CERKL: variants seen among roughly 807,000 people sequenced by gnomAD.
CERKL encodes the protein ceramide kinase-like protein.
Under a neutral mutation model 63.4 loss-of-function variants are expected in CERKL, and 61 were observed. That is an observed-to-expected ratio of 0.96 (90% CI 0.78 to 1.19). CERKL has a LOEUF of 1.19. CERKL is among the 50% of genes most tolerant of loss of function. The pLI is 0.00. For synonymous variants in CERKL, 250 were observed against 230.5 expected (o/e 1.08, Z -0.77); for missense variants, 675 against 655.5 (o/e 1.03, Z -0.33).
chr2:181,625,914 T>C (rs1487663795), intron 1 of CERKL, among the ~76,000 whole-genome samples: 1 of 152,226 alleles, frequency 6.6e-6, no homozygotes, highest in East Asian at 1.9e-4. Context: ...TAAAACGCTA[T>C]ATTGTTTAAT....
At chr2:181,639,877 CA>C (rs2105506802) in intron 1 of CERKL, among the ~76,000 whole-genome samples, 1 of 152,266 alleles carries the variant, frequency 6.6e-6, no homozygotes, top group Non-Finnish European at 1.5e-5. Context: ...GCAGAGTAAA[CA>C]AATCTAAGTG....
rs1687181320 is a variant in CERKL at position 181,537,277 on chromosome 2, CAG to C, written c.*905_*906del. 1 of 453,408 alleles carries C rather than the reference CAG, an allele frequency of 2.2e-6. No individual in the cohort carries two copies. The allele number at this position is 453,408 out of a possible 1,614,324, so 28.1% of individuals were successfully genotyped here. On this transcript the variant is annotated 3_prime_UTR_variant, in exon 13 of 13. Transcript: ENST00000410087. ...TGGTTCTTTCCTACTCAGAACTACT[CAG>C]AAACAACTATATATTTCAGGTTATC...
intron 3 of CERKL, among the ~76,000 whole-genome samples, chr2:181,570,125 C>A (rs1447375852): frequency 1.3e-5 from 2 of 152,162 alleles, no homozygotes; most frequent in Non-Finnish European, 2.9e-5. Context: ...GAAAGGGCAC[C>A]TTTTTGTAAG....
chr2:181,548,158 A>G, intron 8 of CERKL: 1 of 539,572 alleles, frequency 1.9e-6, no homozygotes, highest in South Asian at 2.4e-5. Context: ...CGAGGGACAA[A>G]ACTGTGTGTT....
chr2:181,578,287 GAA>G (rs1684345959), intron 2 of CERKL, among the ~76,000 whole-genome samples: 2 of 151,896 alleles, frequency 1.3e-5, no homozygotes, highest in Admixed American at 6.6e-5. Flanking sequence ...TGTAGACAGA[GAA>G]AGAGAGAGAG....
intron 2 of CERKL, among the ~76,000 whole-genome samples, chr2:181,599,353 T>C (rs1685361420): frequency 6.6e-6 from 1 of 151,900 alleles, no homozygotes; most frequent in South Asian, 2.1e-4. Context: ...TCAGCCAACA[T>C]GGCAAAACCT....
chr2:181,642,635 C>G (rs1048109747), intron 1 of CERKL, among the ~76,000 whole-genome samples: 1 of 151,866 alleles, frequency 6.6e-6, no homozygotes, highest in Non-Finnish European at 1.5e-5. Flanking sequence ...GGCAGGAATA[C>G]TCTTTTGAAA....
intron 2 of CERKL, among the ~76,000 whole-genome samples, chr2:181,594,619 C>T (rs1319486397): frequency 6.6e-6 from 1 of 152,176 alleles, no homozygotes; most frequent in East Asian, 1.9e-4. Flanking sequence ...GCTCCTTCCA[C>T]TGAAAAAATA....
chr2:181,593,825 A>G (rs1430031261), intron 2 of CERKL, among the ~76,000 whole-genome samples: 2 of 151,440 alleles, frequency 1.3e-5, no homozygotes, highest in Admixed American at 6.6e-5. Flanking sequence ...TCCCAAATAC[A>G]CAGCATAGTC....
At chr2:181,584,868 C>T (rs1445820867) in intron 2 of CERKL, among the ~76,000 whole-genome samples, 1 of 151,220 alleles carries the variant, frequency 6.6e-6, no homozygotes, top group Non-Finnish European at 1.5e-5. Flanking sequence ...AAAACTCATA[C>T]AAAGCTTGTA....
Position 181,544,763 on chromosome 2 carries a change from G to A in CERKL, c.1302C>T (p.Ala434=). ...TAAATTCTGGCCGAGAAGTGTTTCGGGCAATTATAAGAGCCATACTTCCAT... is the reference window on the plus strand; with the variant it reads ...TAAATTCTGGCCGAGAAGTGTTTCGAGCAATTATAAGAGCCATACTTCCAT... ...LNNGSMALII[A]RNTSRPEFIK... is the part of the protein sequence containing the mutation. Residue 434 remains alanine, a synonymous_variant, in exon 11 of 13, where the codon GCC becomes GCT. Transcript: ENST00000410087. 1 of 1,607,680 alleles carries A rather than the reference G, an allele frequency of 6.2e-7. No homozygotes were observed. Among genetic ancestry groups the A allele is most frequent in the Admixed American group, 1.7e-5 (1 of 59,684 alleles).
At chr2:181,629,858 C>T (rs556445406) in intron 1 of CERKL, among the ~76,000 whole-genome samples, 2 of 151,774 alleles carry the variant, frequency 1.3e-5, no homozygotes, top group African/African-American at 4.8e-5. Context: ...AAAAAATTAC[C>T]CATCTTTCCA....
intron 1 of CERKL, chr2:181,649,837 C>T (rs1418670011): frequency 6.6e-6 from 1 of 152,216 alleles, no homozygotes; most frequent in African/African-American, 2.4e-5. Context: ...TGAGAACAGC[C>T]TGGGCAACAT....
At chr2:181,575,731 C>T (rs1689107342) in intron 2 of CERKL, among the ~76,000 whole-genome samples, 1 of 152,124 alleles carries the variant, frequency 6.6e-6, no homozygotes, top group Non-Finnish European at 1.5e-5. Flanking sequence ...TTTTTATGTT[C>T]CATTTCAACT....
At chr2:181,593,806 T>C (rs1685082612) in intron 2 of CERKL, among the ~76,000 whole-genome samples, 1 of 150,144 alleles carries the variant, frequency 6.7e-6, no homozygotes. Context: ...TTGACAATAA[T>C]ATACTTAGTC....
chr2:181,625,357 G>A (rs142668696), intron 1 of CERKL, among the ~76,000 whole-genome samples: 1 of 150,922 alleles, frequency 6.6e-6, no homozygotes, highest in Non-Finnish European at 1.5e-5. Flanking sequence ...AAGTTGGGGG[G>A]TGGGGTGAGC....
chr2:181,620,863 T>C (rs560767942), intron 1 of CERKL, among the ~76,000 whole-genome samples: 87 of 152,308 alleles, frequency 5.7e-4, no homozygotes, highest in African/African-American at 2.0e-3. Context: ...TAATTCAAGA[T>C]GTTCTAAAAA....
intron 10 of CERKL, among the ~76,000 whole-genome samples, chr2:181,546,997 C>T (rs1029155873): frequency 9.9e-5 from 15 of 152,082 alleles, no homozygotes; most frequent in African/African-American, 3.6e-4. Flanking sequence ...GTGCTGCTCT[C>T]ATGGTAATGA....
intron 2 of CERKL, among the ~76,000 whole-genome samples, chr2:181,602,403 C>T (rs1461487235): frequency 6.6e-6 from 1 of 152,200 alleles, no homozygotes; most frequent in Non-Finnish European, 1.5e-5. Flanking sequence ...TTTTAAATCA[C>T]TTGACATAAA....
Sources: gnomAD v4.1 joint callset for allele counts (sites outside exome capture counted in the v4.1 genomes callset) on GRCh38, gnomAD v4.1.1 for gene constraint, MANE v1.5 for transcripts, NCBI Gene and HGNC (gene_info 2026-07-23, HGNC 2026-07-21) for gene names.